GPRC5B: variants seen among roughly 807,000 people sequenced by gnomAD.
The protein encoded by GPRC5B is G protein-coupled receptor class C group 5 member B, also known as G protein-coupled receptor family C group 5 member B.
Under a neutral mutation model 30.1 loss-of-function variants are expected in GPRC5B, and 16 were observed. The ratio of observed to expected loss-of-function variants is 0.53; its 90% CI spans 0.36 to 0.81. GPRC5B has a LOEUF of 0.81. GPRC5B is among the 30% of genes least tolerant of loss of function. The pLI is 0.01. For synonymous variants in GPRC5B, 241 were observed against 239.5 expected (o/e 1.01, Z -0.06); for missense variants, 428 against 544.7 (o/e 0.79, Z 2.13).
chr16:19,876,632 T>G (rs2056761303), intron 1 of GPRC5B, among the ~76,000 whole-genome samples: 1 of 152,200 alleles, frequency 6.6e-6, no homozygotes, highest in Non-Finnish European at 1.5e-5. Context: ...ACAGAAAACC[T>G]ATGTGGAGGA....
chr16:19,885,268 A>AG (rs1349058428), upstream of GPRC5B: 7 of 1,284,812 alleles, frequency 5.4e-6, no homozygotes, highest in Non-Finnish European at 7.1e-6. The surrounding 1 kb of genome is among the most constrained non-coding windows in gnomAD (Gnocchi z 5.3). Context: ...CCACGCTCCA[A>AG]GGGGGGTTCA....
Position 19,860,221 on chromosome 16 carries a change from A to C in GPRC5B, c.*279T>G. On this transcript the variant is annotated 3_prime_UTR_variant, in exon 4 of 4. Coordinates refer to ENST00000300571, the MANE Select transcript of GPRC5B (RefSeq NM_016235.3). ...CCAGCCACATTTTCCAGTGAGCCTAATACTATTTGCAATTAGCTTTGCTTT... is the reference window on the plus strand; with the variant it reads ...CCAGCCACATTTTCCAGTGAGCCTACTACTATTTGCAATTAGCTTTGCTTT... The C allele has an allele frequency of 4.9e-6, 2 of 404,122 alleles. No individual in the cohort carries two copies. The highest frequency in any genetic ancestry group is 5.2e-5 in the South Asian group (2 of 38,744). The allele number at this position is 404,122 out of a possible 1,614,324, so 25.0% of individuals were successfully genotyped here. A position where few individuals can be genotyped will look rare whatever the true frequency, so the allele number is the denominator to read the frequency against.
chr16:19,882,148 C>A (rs1190406403), intron 1 of GPRC5B: 1 of 152,228 alleles, frequency 6.6e-6, no homozygotes, highest in African/African-American at 2.4e-5. Context: ...ATATCTTTTC[C>A]GAGTTACAGG....
chr16:19,866,672 G>A (rs1030881603), intron 2 of GPRC5B, among the ~76,000 whole-genome samples: 3 of 152,054 alleles, frequency 2.0e-5, no homozygotes, highest in South Asian at 2.1e-4. Flanking sequence ...GTGAGCCAGC[G>A]CACCTGGCTA....
Position 19,872,850 on chromosome 16 carries a change from G to C in GPRC5B, c.-1-4C>G. 1 of 1,605,720 alleles carries C rather than the reference G, an allele frequency of 6.2e-7. No individual in the cohort carries two copies. The highest frequency in any genetic ancestry group is 1.1e-5 in the South Asian group (1 of 90,808). ...TCTCTCTGATGCCACGAACATTCTA[G>C]AAAAGCCAAGAGGGGAATGGTTGGG... On this transcript the variant is annotated splice_polypyrimidine_tract_variant and splice_region_variant and intron_variant, in intron 1 of 3. Coordinates refer to ENST00000300571, the MANE Select transcript of GPRC5B (RefSeq NM_016235.3). This position sits in a 1 kb window ranked among gnomAD's most constrained non-coding sequence, Gnocchi z 5.0.
chr16:19,861,561 G>A (rs762023718), intron 3 of GPRC5B, among the ~76,000 whole-genome samples: 26 of 152,160 alleles, frequency 1.7e-4, no homozygotes, highest in Admixed American at 1.3e-3. Context: ...CAGAGTGAAA[G>A]CCAAATAATT....
At chr16:19,866,721 C>T (rs2056670802) in intron 2 of GPRC5B, among the ~76,000 whole-genome samples, 1 of 151,972 alleles carries the variant, frequency 6.6e-6, no homozygotes, top group South Asian at 2.1e-4. Flanking sequence ...TCCACTGATT[C>T]TATATGATTA....
At chr16:19,885,272 G>T (rs1288531619), upstream of GPRC5B, 1 of 1,283,496 alleles carries the variant, frequency 7.8e-7, no homozygotes, top group Non-Finnish European at 1.0e-6. This position sits in a 1 kb window ranked among gnomAD's most constrained non-coding sequence, Gnocchi z 5.3. Context: ...GCTCCAAGGG[G>T]GGTTCATAAG....
chr16:19,859,705 C>G lies in GPRC5B; in HGVS notation c.*795G>C, dbSNP rs1191644735. On this transcript the variant is annotated 3_prime_UTR_variant, in exon 4 of 4. Transcript: ENST00000300571. ...AAGTGTAGGAACAGGGCGAGATGAT[C>G]AAGGGAAGAAGGGACTGCTGCCCCA... 1.3e-5 allele frequency: 2 copies of G among 152,616 alleles called. No individual in the cohort carries two copies. The highest frequency in any genetic ancestry group is 2.4e-5 in the African/African-American group (1 of 41,452). The allele number at this position is 152,616 out of a possible 1,614,324, so 9.5% of individuals were successfully genotyped here. A position where few individuals can be genotyped will look rare whatever the true frequency, so the allele number is the denominator to read the frequency against.
upstream of GPRC5B, chr16:19,884,920 CCCCCGCCCCCGCCCCCGGCCGG>C: frequency 1.1e-6 from 1 of 930,768 alleles, no homozygotes; most frequent in Non-Finnish European, 1.3e-6. Flanking sequence ...CGCGGCCCCG[CCCCCGCCCCCGCCCCCGGCCGG>C]CCCCGCCCCC....
At chr16:19,861,485 T>C (rs926472591) in intron 3 of GPRC5B, among the ~76,000 whole-genome samples, 1 of 152,128 alleles carries the variant, frequency 6.6e-6, no homozygotes, top group Admixed American at 6.6e-5. Flanking sequence ...CTAGGCTGGA[T>C]GTCAGCAAAA....
chr16:19,879,455 G>A (rs923496836), intron 1 of GPRC5B, among the ~76,000 whole-genome samples: 7 of 151,804 alleles, frequency 4.6e-5, no homozygotes, highest in East Asian at 3.9e-4. Flanking sequence ...ACACACACAC[G>A]CGCATGCACG....
intron 1 of GPRC5B, among the ~76,000 whole-genome samples, chr16:19,877,739 T>C (rs2054402268): frequency 6.6e-6 from 1 of 152,160 alleles, no homozygotes; most frequent in Non-Finnish European, 1.5e-5. Context: ...AGACAAAACC[T>C]GGCACAGGGA....
intron 1 of GPRC5B, among the ~76,000 whole-genome samples, chr16:19,873,816 C>T (rs1009839039): frequency 2.0e-5 from 3 of 152,106 alleles, no homozygotes; most frequent in Non-Finnish European, 2.9e-5. Context: ...GTCTGTCTGT[C>T]GCCCAGGCTG....
Position 19,872,961 on chromosome 16 carries a change from C to T in GPRC5B, c.-1-115G>A, listed in dbSNP as rs1190210614. On this transcript the variant is annotated intron_variant, in intron 1 of 3. Transcript: ENST00000300571. This position sits in a 1 kb window ranked among gnomAD's most constrained non-coding sequence, Gnocchi z 5.0. ...GCCTCATTTCAAACCTGCAAGCGCA[C>T]ACGGCACCTTTGCACACATAGGAAA... The T allele has an allele frequency of 5.3e-6, 4 of 751,140 alleles. No homozygotes were observed. The African/African-American group carries it at 7.0e-5, about 13-fold the overall frequency. 46.5% of individuals were successfully genotyped at this position (751,140 alleles called of 1,614,324 possible).
chr16:19,877,622 T>C (rs1290020107), intron 1 of GPRC5B, among the ~76,000 whole-genome samples: 1 of 152,186 alleles, frequency 6.6e-6, no homozygotes, highest in East Asian at 1.9e-4. Context: ...GGTTAACCCT[T>C]ACAGTGCTAT....
At chr16:19,861,543 C>T (rs2056622206) in intron 3 of GPRC5B, among the ~76,000 whole-genome samples, 1 of 152,140 alleles carries the variant, frequency 6.6e-6, no homozygotes, top group Non-Finnish European at 1.5e-5. Context: ...AAAGTCACCT[C>T]CCAGGGACAG....
At chr16:19,880,592 G>A (rs2056799905) in intron 1 of GPRC5B, among the ~76,000 whole-genome samples, 1 of 152,172 alleles carries the variant, frequency 6.6e-6, no homozygotes, top group Non-Finnish European at 1.5e-5. Flanking sequence ...TCTTGGGGTG[G>A]TTGGCCCTGG....
chr16:19,882,858 TTCC>T (rs1230668818), intron 1 of GPRC5B, among the ~76,000 whole-genome samples: 1 of 152,046 alleles, frequency 6.6e-6, no homozygotes, highest in Non-Finnish European at 1.5e-5. Context: ...CTTTGTTCAG[TTCC>T]TCTAAGCTCA....
Sources: gnomAD v4.1 joint callset for allele counts (sites outside exome capture counted in the v4.1 genomes callset) on GRCh38, gnomAD v4.1.1 for gene constraint, Gnocchi (gnomAD v3.1) non-coding constraint, MANE v1.5 for transcripts, NCBI Gene and HGNC (gene_info 2026-07-23, HGNC 2026-07-21) for gene names.